The following MARCHF5 variants were observed in gnomAD, a reference collection of about 807,000 sequenced individuals.
The protein encoded by MARCHF5 is E3 ubiquitin-protein ligase MARCHF5.
MARCHF5 carries 5 observed loss-of-function variants against 36.5 expected under a neutral mutation model. The ratio of observed to expected loss-of-function variants is 0.14; its 90% CI spans 0.07 to 0.29. The LOEUF is 0.29. MARCHF5 is among the 10% of genes least tolerant of loss of function. MARCHF5 has a pLI of 1.00. For missense variants in MARCHF5, 179 were observed against 336.3 expected (o/e 0.53, Z 3.66); for synonymous variants, 103 against 109.9 (o/e 0.94, Z 0.39).
At chr10:92,299,023 AC>A (rs1237618410) in intron 1 of MARCHF5, among the ~76,000 whole-genome samples, 1 of 150,104 alleles carries the variant, frequency 6.7e-6, no homozygotes. Context: ...GACGGGTCTC[AC>A]TATGTTGCCC....
chr10:92,295,054 A>G (rs975140728), intron 1 of MARCHF5, among the ~76,000 whole-genome samples: 7 of 152,192 alleles, frequency 4.6e-5, no homozygotes, highest in Non-Finnish European at 1.0e-4. Context: ...GTTATTTTTC[A>G]GTAAATCAAT....
intron 1 of MARCHF5, among the ~76,000 whole-genome samples, chr10:92,305,729 TG>T (rs1020890673): frequency 6.6e-6 from 1 of 152,210 alleles, no homozygotes; most frequent in African/African-American, 2.4e-5. Context: ...CCTTTTTCCT[TG>T]GGTATGGACT....
At chr10:92,314,621 G>A (rs770781186) in intron 2 of MARCHF5, among the ~76,000 whole-genome samples, 26 of 151,782 alleles carry the variant, frequency 1.7e-4, no homozygotes, top group Admixed American at 4.6e-4. Flanking sequence ...CAGCCTGGGC[G>A]ACAGAGCAAG....
chr10:92,298,047 CATT>C (rs1842968565), intron 1 of MARCHF5, among the ~76,000 whole-genome samples: 2 of 152,038 alleles, frequency 1.3e-5, no homozygotes, highest in East Asian at 1.9e-4. Flanking sequence ...AAAATACAAA[CATT>C]AGTAGGGCAT....
intron 2 of MARCHF5, chr10:92,334,661 G>A (rs1843481912): frequency 6.6e-6 from 1 of 152,164 alleles, no homozygotes. Flanking sequence ...CTTCCAAGGT[G>A]TACCTTTAGC....
At chr10:92,317,549 T>C (rs1185305333) in intron 2 of MARCHF5, among the ~76,000 whole-genome samples, 1 of 152,190 alleles carries the variant, frequency 6.6e-6, no homozygotes, top group East Asian at 1.9e-4. Context: ...ATTGTTTAAG[T>C]ATGTAGAATA....
At chr10:92,316,171 A>C (rs994384239) in intron 2 of MARCHF5, among the ~76,000 whole-genome samples, 4 of 151,732 alleles carry the variant, frequency 2.6e-5, no homozygotes, top group African/African-American at 7.3e-5. Context: ...TTTTTTTTTT[A>C]ACTTTTCAAA....
intron 1 of MARCHF5, among the ~76,000 whole-genome samples, chr10:92,300,459 C>T (rs373032944): frequency 6.6e-6 from 1 of 151,894 alleles, no homozygotes; most frequent in African/African-American, 2.4e-5. Flanking sequence ...CACCATGCCA[C>T]TGCACTCCAG....
At chr10:92,311,384 A>G (rs1465619515) in intron 2 of MARCHF5, 47 bp downstream of exon 2, 1 of 1,275,944 alleles carries the variant, frequency 7.8e-7, no homozygotes, top group East Asian at 2.5e-5. Flanking sequence ...ATGTTATTAT[A>G]TATAACTTTA....
intron 1 of MARCHF5, among the ~76,000 whole-genome samples, chr10:92,301,719 A>G (rs938027203): frequency 3.3e-5 from 5 of 152,334 alleles, no homozygotes; most frequent in Admixed American, 1.3e-4. Context: ...CATATAACCT[A>G]TGCACATCCT....
chr10:92,308,255 C>A (rs12415734), intron 1 of MARCHF5, among the ~76,000 whole-genome samples: 1 of 151,956 alleles, frequency 6.6e-6, no homozygotes, highest in African/African-American at 2.4e-5. Context: ...CTTCCCCTTT[C>A]TAGATCATAT....
At chr10:92,321,327 G>A (rs890614308) in intron 2 of MARCHF5, among the ~76,000 whole-genome samples, 4 of 152,060 alleles carry the variant, frequency 2.6e-5, no homozygotes, top group Admixed American at 1.3e-4. Flanking sequence ...ATGAAAAAGT[G>A]TTGGGTTTTG....
intron 1 of MARCHF5, among the ~76,000 whole-genome samples, chr10:92,295,198 A>C (rs1222824799): frequency 6.6e-6 from 1 of 151,830 alleles, no homozygotes; most frequent in African/African-American, 2.4e-5. Flanking sequence ...CTTCAATTCC[A>C]GGGGTGTTTG....
intron 2 of MARCHF5, among the ~76,000 whole-genome samples, chr10:92,323,261 A>C (rs1042761211): frequency 1.3e-5 from 2 of 152,146 alleles, no homozygotes; most frequent in Non-Finnish European, 2.9e-5. Flanking sequence ...TTAGGTTCAC[A>C]GTAAACCATA....
At chr10:92,341,023 A>G (rs1010916295) in intron 3 of MARCHF5, among the ~76,000 whole-genome samples, 7 of 152,234 alleles carry the variant, frequency 4.6e-5, no homozygotes, top group Admixed American at 4.6e-4. Context: ...TCATATAAGT[A>G]TGCAGAAATC....
chr10:92,292,346 T>C (rs1456961182), intron 1 of MARCHF5, among the ~76,000 whole-genome samples: 1 of 152,160 alleles, frequency 6.6e-6, no homozygotes, highest in Admixed American at 6.5e-5. Flanking sequence ...GAGCCAAGTC[T>C]TACTTCCTGG....
intron 2 of MARCHF5, among the ~76,000 whole-genome samples, chr10:92,337,540 A>G (rs1010934650): frequency 3.3e-5 from 5 of 152,138 alleles, no homozygotes; most frequent in African/African-American, 1.2e-4. Flanking sequence ...AAATAAATAA[A>G]ACATATACAG....
intron 1 of MARCHF5, among the ~76,000 whole-genome samples, chr10:92,304,487 T>C (rs964491470): frequency 1.8e-4 from 28 of 152,346 alleles, no homozygotes; most frequent in South Asian, 6.2e-4. Flanking sequence ...AAACCAATTA[T>C]ATTGAAGTAC....
chr10:92,291,547 G>A lies in MARCHF5; in HGVS notation c.35+18G>A. 1 of 1,533,466 alleles carries A rather than the reference G, an allele frequency of 6.5e-7. No individual in the cohort carries two copies. Among genetic ancestry groups the A allele is most frequent in the Non-Finnish European group, 8.8e-7 (1 of 1,138,078 alleles). 95.0% of individuals were successfully genotyped at this position (1,533,466 alleles called of 1,614,324 possible). ...CTGGACAGGTACGGGCAGCTGTGGG[G>A]GGGACCGGGAGCCGCCGACCCTCGC... On this transcript the variant is annotated intron_variant, in intron 1 of 5. Coordinates refer to ENST00000358935, the MANE Select transcript of MARCHF5 (RefSeq NM_017824.5).
Sources: gnomAD v4.1 joint callset for allele counts (sites outside exome capture counted in the v4.1 genomes callset) on GRCh38, gnomAD v4.1.1 for gene constraint, MANE v1.5 for transcripts, NCBI Gene and HGNC (gene_info 2026-07-23, HGNC 2026-07-21) for gene names.